MAGI1: variants seen among roughly 807,000 people sequenced by gnomAD.
The protein encoded by MAGI1 is membrane associated guanylate kinase, WW and PDZ domain containing 1.
Under a neutral mutation model 139.9 loss-of-function variants are expected in MAGI1, and 58 were observed. The ratio of observed to expected loss-of-function variants is 0.41; its 90% CI spans 0.34 to 0.52. The LOEUF is 0.52. Ranked by LOEUF, MAGI1 falls within the 20% of genes least tolerant of loss-of-function variation. The pLI is 0.12. For synonymous variants in MAGI1, 812 were observed against 737.9 expected (o/e 1.10, Z -1.63); for missense variants, 1,874 against 1,901.6 (o/e 0.99, Z 0.27).
At chr3:65,376,571 C>T (rs1025943385) in intron 17 of MAGI1, among the ~76,000 whole-genome samples, 2 of 152,154 alleles carry the variant, frequency 1.3e-5, no homozygotes, top group Admixed American at 6.5e-5. Context: ...AGAGATGAGC[C>T]AAGAAAGCAC....
rs1222960611 is a variant in MAGI1 at position 65,936,917 on chromosome 3, GT to G, written c.313+101078del. 4.7e-3 allele frequency among the ~76,000 whole-genome samples: 702 copies of G among 150,302 alleles called. 7 individuals carry two copies. Among genetic ancestry groups the G allele is most frequent in the African/African-American group, 0.017 (669 of 40,142 alleles). ...CAGGTTCAAAGTTGTTGTTGTTGTTGTTGGTGGTGGTGGTGGTGATGGTGGT... is the reference window on the plus strand; with the variant it reads ...CAGGTTCAAAGTTGTTGTTGTTGTTGTGGTGGTGGTGGTGGTGATGGTGGT... On this transcript the variant is annotated intron_variant, in intron 1 of 22. Transcript: ENST00000402939.
chr3:65,633,578 T>C (rs1044647309), intron 1 of MAGI1, among the ~76,000 whole-genome samples: 2 of 152,218 alleles, frequency 1.3e-5, no homozygotes, highest in African/African-American at 4.8e-5. Flanking sequence ...CTTTTTATTA[T>C]AAATTTCATC....
At chr3:65,996,346 T>C (rs936709956) in intron 1 of MAGI1, among the ~76,000 whole-genome samples, 2 of 152,140 alleles carry the variant, frequency 1.3e-5, no homozygotes, top group African/African-American at 4.8e-5. Flanking sequence ...ATACTGCACC[T>C]AACCCTAAAT....
At chr3:65,664,302 C>T (rs550435488) in intron 1 of MAGI1, among the ~76,000 whole-genome samples, 1 of 152,302 alleles carries the variant, frequency 6.6e-6, no homozygotes, top group South Asian at 2.1e-4. Flanking sequence ...CTCAGGTTTA[C>T]TGTCTCTGAG....
At chr3:65,692,128 C>G (rs1156805287) in intron 1 of MAGI1, among the ~76,000 whole-genome samples, 1 of 151,998 alleles carries the variant, frequency 6.6e-6, no homozygotes, top group Admixed American at 6.6e-5. Flanking sequence ...AAAATGTGAT[C>G]TGGACATTCC....
chr3:65,677,423 T>C (rs1261926851), intron 1 of MAGI1, among the ~76,000 whole-genome samples: 2 of 152,158 alleles, frequency 1.3e-5, no homozygotes, highest in Admixed American at 6.5e-5. Flanking sequence ...TATCGAAGAC[T>C]TGACCTGGCT....
At chr3:65,699,650 G>T (rs11915436) in intron 1 of MAGI1, among the ~76,000 whole-genome samples, 61,014 of 144,394 alleles carry the variant, frequency 0.42, 13,475 homozygotes, top group African/African-American at 0.57. Flanking sequence ...CACCTCATAT[G>T]CTCACTCATA....
intron 1 of MAGI1, among the ~76,000 whole-genome samples, chr3:65,955,265 G>GGAGGCCAAAGCAGGAGGATCACTT (rs1172947747): frequency 2.0e-5 from 3 of 152,156 alleles, no homozygotes; most frequent in African/African-American, 7.2e-5. Context: ...CAAAACTTTG[G>GGAGGCCAAAGCAGGAGGATCACTT]GAGGCCAAAG....
intron 1 of MAGI1, among the ~76,000 whole-genome samples, chr3:65,685,687 T>C (rs1272303687): frequency 6.6e-6 from 1 of 152,230 alleles, no homozygotes; most frequent in African/African-American, 2.4e-5. Context: ...CATTTGATCA[T>C]TTCCATCAGT....
intron 1 of MAGI1, among the ~76,000 whole-genome samples, chr3:66,002,722 G>A (rs1245360709): frequency 1.3e-5 from 2 of 152,026 alleles, no homozygotes; most frequent in African/African-American, 4.8e-5. Context: ...CTCCATGTTG[G>A]TCAGGCTGGT....
At chr3:65,404,920 A>G (rs1945211009) in intron 12 of MAGI1, among the ~76,000 whole-genome samples, 1 of 152,228 alleles carries the variant, frequency 6.6e-6, no homozygotes, top group Non-Finnish European at 1.5e-5. Context: ...GGCAGCAGGA[A>G]GTCTGTGTTC....
chr3:65,587,484 T>C (rs1037747113), intron 2 of MAGI1, among the ~76,000 whole-genome samples: 54 of 142,528 alleles, frequency 3.8e-4, no homozygotes, highest in Middle Eastern at 3.6e-3. Flanking sequence ...TTTTTCTTTT[T>C]TTTTTTTTTT....
At chr3:65,599,037 G>A (rs1384033565) in intron 2 of MAGI1, among the ~76,000 whole-genome samples, 2 of 152,310 alleles carry the variant, frequency 1.3e-5, no homozygotes, top group Admixed American at 6.5e-5. Context: ...ACAGAGTCAC[G>A]TGCAAGCATC....
At position 65,364,749 on chromosome 3, in the gene MAGI1, A is replaced by T. The variant is rs761377571; in HGVS notation, c.3291-24T>A. The T allele has an allele frequency of 7.3e-5, 118 of 1,612,504 alleles. 3 individuals carry two copies. In the Admixed American group the frequency reaches 1.8e-3, roughly 25 times the overall value. On this transcript the variant is annotated intron_variant, in intron 19 of 22. Transcript: ENST00000402939. Reference sequence around the variant, plus strand: ...TCCTGCCAAAGTGAAAGAAATAAATATAAGAGCAACCCATTAGCAAACTGA... The same window carrying T: ...TCCTGCCAAAGTGAAAGAAATAAATTTAAGAGCAACCCATTAGCAAACTGA...
At chr3:65,925,119 A>G (rs747904490) in intron 1 of MAGI1, 1 of 152,188 alleles carries the variant, frequency 6.6e-6, no homozygotes, top group Non-Finnish European at 1.5e-5. Context: ...TGCCTCGTCT[A>G]CTTCCATTGC....
At chr3:65,742,411 G>T (rs1301064230) in intron 1 of MAGI1, among the ~76,000 whole-genome samples, 1 of 152,100 alleles carries the variant, frequency 6.6e-6, no homozygotes, top group Non-Finnish European at 1.5e-5. Context: ...TTTATGTAGA[G>T]CAAGTAAGGG....
At chr3:65,676,106 A>G (rs1576686216) in intron 1 of MAGI1, among the ~76,000 whole-genome samples, 1 of 152,244 alleles carries the variant, frequency 6.6e-6, no homozygotes, top group Admixed American at 6.5e-5. Context: ...GGCTATTTGT[A>G]GCATTATGTT....
intron 1 of MAGI1, among the ~76,000 whole-genome samples, chr3:65,704,355 T>G (rs1452984560): frequency 4.6e-5 from 7 of 152,182 alleles, no homozygotes; most frequent in Non-Finnish European, 1.0e-4. Flanking sequence ...CAGCCCCAAG[T>G]GTCAACTCAA....
chr3:65,640,356 C>G (rs1241215679), intron 1 of MAGI1, among the ~76,000 whole-genome samples: 1 of 152,144 alleles, frequency 6.6e-6, no homozygotes, highest in Admixed American at 6.5e-5. Flanking sequence ...AATACATCGG[C>G]TCTAATTCAC....
Sources: gnomAD v4.1 joint callset for allele counts (sites outside exome capture counted in the v4.1 genomes callset) on GRCh38, gnomAD v4.1.1 for gene constraint, MANE v1.5 for transcripts, NCBI Gene and HGNC (gene_info 2026-07-23, HGNC 2026-07-21) for gene names.